The following CDH13 variants were observed in gnomAD, a reference collection of about 807,000 sequenced individuals.
CDH13 encodes the protein cadherin-13.
CDH13 carries 24 observed loss-of-function variants against 63.8 expected under a neutral mutation model. The ratio of observed to expected loss-of-function variants is 0.38; its 90% CI spans 0.27 to 0.53. CDH13 has a LOEUF of 0.53. Among genes scored for constraint, CDH13 ranks in the 20% least tolerant of loss-of-function variants. The pLI is 0.85. For missense variants in CDH13, 1,049 were observed against 903.1 expected, an observed-to-expected ratio of 1.16 and a Z score of -2.07; for synonymous variants, 503 against 355.3, an observed-to-expected ratio of 1.42 and a Z score of -4.67.
At chr16:82,815,990 A>G (rs1479593234) in intron 1 of CDH13, among the ~76,000 whole-genome samples, 1 of 152,216 alleles carries the variant, frequency 6.6e-6, no homozygotes, top group Non-Finnish European at 1.5e-5. Context: ...GAAATGTATT[A>G]CCAAGTATGT....
chr16:82,674,085 C>T (rs780682608), intron 1 of CDH13, among the ~76,000 whole-genome samples: 5 of 152,160 alleles, frequency 3.3e-5, no homozygotes, highest in Non-Finnish European at 5.9e-5. Context: ...CATTTAAGAA[C>T]GTACATTTGA....
At chr16:83,391,214 T>G (rs1597904575) in intron 6 of CDH13, among the ~76,000 whole-genome samples, 1 of 151,806 alleles carries the variant, frequency 6.6e-6, no homozygotes, top group South Asian at 2.1e-4. Flanking sequence ...TACACACTTT[T>G]TTTTTTTTTT....
At chr16:83,767,762 A>G (rs978611187) in intron 11 of CDH13, among the ~76,000 whole-genome samples, 4 of 152,218 alleles carry the variant, frequency 2.6e-5, no homozygotes, top group African/African-American at 7.2e-5. Flanking sequence ...ACTACCTACT[A>G]TATGACTCCA....
In CDH13 at chr16:83,006,935, T is replaced by TTTTTC. The variant is rs1555560594; in HGVS notation, c.158-25071_158-25070insCTTTT. ...TTGTTTGTTTGTTTGTTTGTTTGTT[T>TTTTTC]TTTTTGAGACAGAGTTTCACTCTTA... On this transcript the variant is annotated intron_variant, in intron 2 of 13. Coordinates refer to ENST00000567109, the MANE Select transcript of CDH13 (RefSeq NM_001257.5). Among the ~76,000 whole-genome samples, 4 of 121,970 alleles carry TTTTTC rather than the reference T, an allele frequency of 3.3e-5. 1 individual carries two copies. Among genetic ancestry groups the TTTTTC allele is most frequent in the African/African-American group, 1.0e-4 (3 of 29,436 alleles). 80.0% of individuals were successfully genotyped at this position (121,970 alleles called of 152,430 possible). A position where few individuals can be genotyped will look rare whatever the true frequency, so the allele number is the denominator to read the frequency against.
rs555556934 is a variant in CDH13, at chr16:82,644,399, C to T, written c.45+17262C>T. Among the ~76,000 whole-genome samples the T allele has an allele frequency of 2.0e-5, 3 of 152,268 alleles. No individual in the cohort carries two copies. The highest frequency in any genetic ancestry group is 2.0e-4 in the Admixed American group (3 of 15,304). On this transcript the variant is annotated intron_variant, in intron 1 of 13. Coordinates refer to ENST00000567109, the MANE Select transcript of CDH13 (RefSeq NM_001257.5). This position sits in a 1 kb window ranked among gnomAD's most constrained non-coding sequence, Gnocchi z 5.7. Reference sequence around the variant, plus strand: ...CGGAGTTCCTTTGATTCTCAGGTCCCTTAACCATGGAACGTACTCCTGTCT... The same window carrying T: ...CGGAGTTCCTTTGATTCTCAGGTCCTTTAACCATGGAACGTACTCCTGTCT...
intron 2 of CDH13, among the ~76,000 whole-genome samples, chr16:82,916,787 A>G (rs1395980663): frequency 6.6e-6 from 1 of 152,198 alleles, no homozygotes; most frequent in South Asian, 2.1e-4. Flanking sequence ...GAAGTAACAG[A>G]GCAGGAGACC....
chr16:83,164,390 G>A (rs966011011), intron 4 of CDH13, among the ~76,000 whole-genome samples: 3 of 151,764 alleles, frequency 2.0e-5, no homozygotes, highest in Non-Finnish European at 2.9e-5. Context: ...CACAATCCAC[G>A]TCCCTCTGAC....
chr16:83,404,468 A>G (rs538464066), intron 6 of CDH13, among the ~76,000 whole-genome samples: 1 of 152,320 alleles, frequency 6.6e-6, no homozygotes, highest in African/African-American at 2.4e-5. Context: ...GAATTTTAGG[A>G]AGGATTAAGT....
intron 10 of CDH13, 89 bp from the exon 11 acceptor site, chr16:83,748,019 C>G: frequency 7.1e-7 from 1 of 1,413,588 alleles, no homozygotes; most frequent in Non-Finnish European, 1.0e-6. Context: ...GATCCAGCAC[C>G]TAGCCTAGGA....
chr16:83,648,771 C>T (rs1332706916), intron 8 of CDH13, among the ~76,000 whole-genome samples: 1 of 152,154 alleles, frequency 6.6e-6, no homozygotes, highest in African/African-American at 2.4e-5. Flanking sequence ...TCCCTCTCCC[C>T]ATCTCTGTCT....
intron 3 of CDH13, among the ~76,000 whole-genome samples, chr16:83,085,578 C>T (rs1016412116): frequency 6.6e-6 from 1 of 152,182 alleles, no homozygotes; most frequent in Admixed American, 6.5e-5. Context: ...CTCTCATAGG[C>T]CAGGACTGTG....
At chr16:83,563,503 T>C (rs1372827133) in intron 7 of CDH13, among the ~76,000 whole-genome samples, 4 of 152,268 alleles carry the variant, frequency 2.6e-5, no homozygotes, top group African/African-American at 9.6e-5. Flanking sequence ...GAATTTAATG[T>C]TGACTAAATT....
chr16:83,275,329 C>G lies in CDH13; in HGVS notation c.636+57832C>G, dbSNP rs148145448. ...GAAATTAGGTCAGCCATCATACTTT[C>G]TGTCCAAATGGCTGTTGGGTCATGT... is the stretch of plus-strand genomic sequence containing the variant. On this transcript the variant is annotated intron_variant, in intron 5 of 13. Coordinates refer to ENST00000567109, the MANE Select transcript of CDH13 (RefSeq NM_001257.5). 4.5e-3 allele frequency among the ~76,000 whole-genome samples: 683 copies of G among 152,294 alleles called. 7 individuals carry two copies. Among genetic ancestry groups the G allele is most frequent in the African/African-American group, 0.016 (649 of 41,556 alleles).
chr16:82,738,633 T>C (rs1411479110), intron 1 of CDH13, among the ~76,000 whole-genome samples: 1 of 152,224 alleles, frequency 6.6e-6, no homozygotes, highest in African/African-American at 2.4e-5. Context: ...AAGATACCTT[T>C]CAGGTTCCTG....
chr16:82,929,298 A>G (rs2042402154), intron 2 of CDH13, among the ~76,000 whole-genome samples: 3 of 152,044 alleles, frequency 2.0e-5, no homozygotes, highest in Admixed American at 2.0e-4. Context: ...ATATTATGAG[A>G]TTAGTGTCTT....
intron 5 of CDH13, among the ~76,000 whole-genome samples, chr16:83,276,650 C>T (rs78080923): frequency 0.024 from 3,660 of 152,138 alleles, 152 homozygotes; most frequent in African/African-American, 0.082. Context: ...TCGGGAGGAT[C>T]ACGAGTTCGG....
intron 11 of CDH13, among the ~76,000 whole-genome samples, chr16:83,759,055 T>A: frequency 6.6e-6 from 1 of 152,148 alleles, no homozygotes; most frequent in East Asian, 1.9e-4. Flanking sequence ...ATTATAAAAT[T>A]TATATGGAAA....
intron 4 of CDH13, among the ~76,000 whole-genome samples, chr16:83,156,219 A>G (rs1261967744): frequency 6.6e-6 from 1 of 152,184 alleles, no homozygotes; most frequent in Non-Finnish European, 1.5e-5. Flanking sequence ...TACACACCAT[A>G]ATGCATCAGC....
chr16:83,395,431 G>A (rs1241043881), intron 6 of CDH13, among the ~76,000 whole-genome samples: 1 of 152,122 alleles, frequency 6.6e-6, no homozygotes, highest in Non-Finnish European at 1.5e-5. Flanking sequence ...ATTTCCATCA[G>A]TGATGTCTGG....
Sources: gnomAD v4.1 joint callset for allele counts (sites outside exome capture counted in the v4.1 genomes callset) on GRCh38, gnomAD v4.1.1 for gene constraint, Gnocchi (gnomAD v3.1) non-coding constraint, MANE v1.5 for transcripts, NCBI Gene and HGNC (gene_info 2026-07-23, HGNC 2026-07-21) for gene names.